XPO6: variants seen among roughly 807,000 people sequenced by gnomAD.
The protein encoded by XPO6 is exportin-6.
In XPO6, 3 loss-of-function variants were observed where a neutral mutation model predicts 130.0. That is an observed-to-expected ratio of 0.02 (90% CI 0.01 to 0.06). The LOEUF (loss-of-function observed/expected upper bound fraction) is 0.06, where lower values mean the gene tolerates loss of function less well. XPO6 is among the 10% of genes least tolerant of loss of function. The pLI, the probability that XPO6 is intolerant of heterozygous loss-of-function variation, is 1.00. For synonymous variants in XPO6, 524 were observed against 548.9 expected (o/e 0.95, Z 0.63); for missense variants, 970 against 1,393.0 (o/e 0.70, Z 4.83).
At chr16:28,130,914 G>T (rs991719681) in intron 12 of XPO6, among the ~76,000 whole-genome samples, 11 of 152,134 alleles carry the variant, frequency 7.2e-5, no homozygotes, top group African/African-American at 2.4e-4. Context: ...GGGTCAGTGT[G>T]GGGGAGGAAA....
chr16:28,140,101 G>A (rs1011964068), intron 9 of XPO6, among the ~76,000 whole-genome samples: 9 of 151,320 alleles, frequency 5.9e-5, no homozygotes, highest in African/African-American at 2.2e-4. Flanking sequence ...GCGTGGTGGC[G>A]GGCACCTGTA....
intron 6 of XPO6, among the ~76,000 whole-genome samples, chr16:28,158,937 CTATAA>C (rs2043227015): frequency 6.6e-6 from 1 of 152,050 alleles, no homozygotes; most frequent in Non-Finnish European, 1.5e-5. Context: ...ATATTTAAAA[CTATAA>C]CAACAGGCCA....
In XPO6 at chr16:28,168,766, T is replaced by A. The variant is rs2043399693; in HGVS notation, c.565+984A>T. Reference sequence around the variant, plus strand: ...ACAGGCATGCATCATCACACCCAGCTAACTTTTTTGTTTTGTTTTTTTTTT... The same window carrying A: ...ACAGGCATGCATCATCACACCCAGCAAACTTTTTTGTTTTGTTTTTTTTTT... On this transcript the variant is annotated intron_variant, in intron 5 of 23. Coordinates refer to ENST00000304658, the MANE Select transcript of XPO6 (RefSeq NM_015171.4). Among the ~76,000 whole-genome samples, 3 of 149,706 alleles carry A rather than the reference T, an allele frequency of 2.0e-5. No individual in the cohort carries two copies. The Admixed American group carries it at 2.0e-4, about 10-fold the overall frequency.
intron 6 of XPO6, among the ~76,000 whole-genome samples, chr16:28,157,087 A>G (rs914450264): frequency 1.1e-4 from 16 of 152,216 alleles, no homozygotes; most frequent in African/African-American, 3.9e-4. Flanking sequence ...GAAATATAAG[A>G]GAGAAAAAGA....
intron 17 of XPO6, among the ~76,000 whole-genome samples, chr16:28,109,489 T>A (rs1268097216): frequency 6.6e-6 from 1 of 151,930 alleles, no homozygotes; most frequent in Non-Finnish European, 1.5e-5. Flanking sequence ...CCAACAGGCA[T>A]CCAGACTGAG....
chr16:28,135,233 C>T lies in XPO6; in HGVS notation c.1426G>A (p.Glu476Lys). The T allele has an allele frequency of 1.2e-6, 2 of 1,613,796 alleles. No homozygotes were observed. ...CCGCTTACATCGTCATCCAGAGTCT[C>T]ATCATCCAACTCCTCCAGCTGGGCT... The part of the protein sequence containing the change: ...NQAQLEELDD[E>K]TLDDDQQTEW... Residue 476 changes from glutamate (E) to lysine (K), a missense_variant, in exon 10 of 24, where the codon GAG (glutamate) becomes AAG (lysine). Coordinates refer to ENST00000304658, the MANE Select transcript of XPO6 (RefSeq NM_015171.4).
At chr16:28,104,758 C>A (rs748192673) in intron 20 of XPO6, 51 bp from the exon 21 acceptor site, 70 of 1,602,672 alleles carry the variant, frequency 4.4e-5, no homozygotes, top group Non-Finnish European at 5.4e-5. Context: ...GCTGCTCCGG[C>A]CTGGGCCCAG....
chr16:28,191,412 CAGG>C (rs1168860952), intron 1 of XPO6, among the ~76,000 whole-genome samples: 4 of 152,132 alleles, frequency 2.6e-5, no homozygotes, highest in African/African-American at 9.7e-5. Flanking sequence ...GTACATATCC[CAGG>C]AGGATGGATG....
intron 20 of XPO6, among the ~76,000 whole-genome samples, chr16:28,105,449 T>A (rs1205986827): frequency 6.6e-6 from 1 of 152,172 alleles, no homozygotes; most frequent in East Asian, 1.9e-4. Context: ...GCCACAAGCA[T>A]CCACAGAAGA....
intron 8 of XPO6, among the ~76,000 whole-genome samples, chr16:28,147,188 T>C (rs1409506886): frequency 2.0e-5 from 3 of 152,198 alleles, no homozygotes; most frequent in African/African-American, 4.8e-5. Context: ...AGGGCATACA[T>C]GGAGGTGCCC....
chr16:28,101,739 C>T lies in XPO6; in HGVS notation c.3046-51G>A, dbSNP rs778244724. 1.3e-6 allele frequency: 2 copies of T among 1,585,314 alleles called. No homozygotes were observed. Among genetic ancestry groups the T allele is most frequent in the South Asian group, 2.3e-5 (2 of 87,028 alleles). On this transcript the variant is annotated intron_variant, in intron 22 of 23. Coordinates refer to ENST00000304658, the MANE Select transcript of XPO6 (RefSeq NM_015171.4). This position sits in a 1 kb window ranked among gnomAD's most constrained non-coding sequence, Gnocchi z 5.4. ...AGCAGCCAGCCCCCAGGGGCCTGTC[C>T]CGGGTCCCATCCACTTTCTGTCACA... is the stretch of plus-strand genomic sequence containing the variant.
At chr16:28,168,389 G>C (rs917333778) in intron 5 of XPO6, among the ~76,000 whole-genome samples, 2 of 152,042 alleles carry the variant, frequency 1.3e-5, no homozygotes, top group African/African-American at 4.8e-5. Context: ...AGGCTGAGGT[G>C]GAAGGATCGC....
chr16:28,210,391 T>C (rs1567656373), intron 1 of XPO6, among the ~76,000 whole-genome samples: 2 of 152,162 alleles, frequency 1.3e-5, no homozygotes, highest in Non-Finnish European at 2.9e-5. Context: ...ACAGCTCCAC[T>C]CCTCGAGGTG....
intron 14 of XPO6, among the ~76,000 whole-genome samples, chr16:28,121,120 G>GATAACT (rs1249872725): frequency 7.9e-5 from 12 of 152,352 alleles, no homozygotes; most frequent in African/African-American, 2.9e-4. Flanking sequence ...AGTTTCTGTA[G>GATAACT]GTAGAGAGTG....
chr16:28,158,825 G>T (rs2043224306), intron 6 of XPO6, among the ~76,000 whole-genome samples: 1 of 152,162 alleles, frequency 6.6e-6, no homozygotes, highest in Non-Finnish European at 1.5e-5. Flanking sequence ...TGATTCTTAT[G>T]CTTGCTTGAT....
At position 28,156,315 on chromosome 16, in the gene XPO6, C is replaced by T. The variant is rs1463215233; in HGVS notation, c.856G>A (p.Ala286Thr). ...CCGTTAACTGACGCCATCTTTCTGG[C>T]CCGGATGTCACAGCCAAATCGTGCA... ...HFARFGCDIRARKMASVNGSS... is the reference protein window; with the variant it reads ...HFARFGCDIRTRKMASVNGSS... Residue 286 changes from alanine to threonine, a missense_variant, in exon 7 of 24, where the codon GCC (alanine) becomes ACC (threonine). This residue lies in a region of XPO6 where 936 missense variants were observed against 1,306.8 expected (regional missense o/e 0.72). Transcript: ENST00000304658. 2 of 1,613,988 alleles carry T rather than the reference C, an allele frequency of 1.2e-6. No homozygotes were observed. Among genetic ancestry groups the T allele is most frequent in the Non-Finnish European group, 1.7e-6 (2 of 1,179,998 alleles).
At chr16:28,150,074 G>A (rs1454008457) in intron 8 of XPO6, among the ~76,000 whole-genome samples, 1 of 152,128 alleles carries the variant, frequency 6.6e-6, no homozygotes, top group African/African-American at 2.4e-5. Flanking sequence ...CCCAGCAAAG[G>A]GCTGTCTGCC....
chr16:28,186,638 G>A (rs1232263241), intron 1 of XPO6, among the ~76,000 whole-genome samples: 1 of 150,932 alleles, frequency 6.6e-6, no homozygotes, highest in Non-Finnish European at 1.5e-5. Context: ...CCAAAATGCT[G>A]GGATCACAGG....
chr16:28,131,606 C>T (rs986462736), intron 12 of XPO6, among the ~76,000 whole-genome samples: 3 of 152,122 alleles, frequency 2.0e-5, no homozygotes, highest in Non-Finnish European at 2.9e-5. Context: ...TACCATCATG[C>T]GACTTGTACC....
Sources: gnomAD v4.1 joint callset for allele counts (sites outside exome capture counted in the v4.1 genomes callset) on GRCh38, gnomAD v4.1.1 for gene constraint, gnomAD v4.1.1 regional missense constraint, Gnocchi (gnomAD v3.1) non-coding constraint, MANE v1.5 for transcripts, NCBI Gene and HGNC (gene_info 2026-07-23, HGNC 2026-07-21) for gene names.